Variants in PTK2B observed in about 807,000 individuals in gnomAD.
PTK2B encodes protein-tyrosine kinase 2-beta.
PTK2B carries 71 observed loss-of-function variants against 142.9 expected under a neutral mutation model. That is an observed-to-expected ratio of 0.50 (90% CI 0.41 to 0.61). The LOEUF is 0.61. Ranked by LOEUF, PTK2B falls within the 20% of genes least tolerant of loss-of-function variation. The probability of loss-of-function intolerance (pLI) is 0.00; values close to 1 mark genes in which losing one functional copy is unlikely to be tolerated. For missense variants in PTK2B, 1,105 were observed against 1,320.4 expected (o/e 0.84, Z 2.53); for synonymous variants, 519 against 503.4 (o/e 1.03, Z -0.42).
chr8:27,349,151 G>A (rs1241683261), intron 1 of PTK2B, among the ~76,000 whole-genome samples: 1 of 152,170 alleles, frequency 6.6e-6, no homozygotes, highest in Non-Finnish European at 1.5e-5. Context: ...CTTAACTAAA[G>A]TTTCCAAGGT....
chr8:27,341,681 G>GT (rs1466158211), intron 1 of PTK2B, among the ~76,000 whole-genome samples: 2 of 152,036 alleles, frequency 1.3e-5, no homozygotes, highest in African/African-American at 4.8e-5. Context: ...GGTTTTGTGT[G>GT]TTTTTTGTTT....
chr8:27,452,216 GA>G (rs1811860584), intron 27 of PTK2B: 1 of 152,268 alleles, frequency 6.6e-6, no homozygotes, highest in South Asian at 2.1e-4. Context: ...TCTTACAAAT[GA>G]AAATTAAGGC....
At chr8:27,416,751 T>A (rs1258739254) in intron 2 of PTK2B, among the ~76,000 whole-genome samples, 37 of 152,276 alleles carry the variant, frequency 2.4e-4, no homozygotes, top group Non-Finnish European at 5.9e-5. Flanking sequence ...AAAAGCCTCC[T>A]ACAACTCTCC....
chr8:27,365,655 C>CTTT (rs60664486), intron 1 of PTK2B, among the ~76,000 whole-genome samples: 8,587 of 152,162 alleles, frequency 0.056, 656 homozygotes, highest in African/African-American at 0.18. Flanking sequence ...ATACCAACTT[C>CTTT]GTTTTGCGGA....
chr8:27,453,172 C>T lies in PTK2B; in HGVS notation c.2595+12C>T, dbSNP rs1194828418. ...GGCTGGGCGCACAGGTATGTGTTGGCTCTGCTGAAACTGATAAATGAGAGT... is the reference window on the plus strand; with the variant it reads ...GGCTGGGCGCACAGGTATGTGTTGGTTCTGCTGAAACTGATAAATGAGAGT... On this transcript the variant is annotated intron_variant, in intron 28 of 30. Coordinates refer to ENST00000346049, the MANE Select transcript of PTK2B (RefSeq NM_173176.3). 6 of 1,614,050 alleles carry T rather than the reference C, an allele frequency of 3.7e-6. No individual in the cohort carries two copies. Among genetic ancestry groups the T allele is most frequent in the Non-Finnish European group, 4.2e-6 (5 of 1,179,950 alleles).
At chr8:27,319,507 G>A (rs1457227244) in intron 3 of PTK2B, among the ~76,000 whole-genome samples, 3 of 151,716 alleles carry the variant, frequency 2.0e-5, no homozygotes, top group African/African-American at 7.3e-5. Context: ...AGCCAGGCCC[G>A]GTGGCGGGCG....
intron 30 of PTK2B, 147 bp downstream of exon 30, chr8:27,454,758 G>A: frequency 2.5e-6 from 2 of 811,280 alleles, no homozygotes; most frequent in East Asian, 2.7e-5. Context: ...TTATCCATCA[G>A]CTACCACCAG....
At chr8:27,421,879 T>C (rs1809777208) in intron 4 of PTK2B, among the ~76,000 whole-genome samples, 1 of 152,260 alleles carries the variant, frequency 6.6e-6, no homozygotes, top group Non-Finnish European at 1.5e-5. Flanking sequence ...GTTTTCTGTC[T>C]GATATTAGTT....
At position 27,432,483 on chromosome 8, in the gene PTK2B, G is replaced by A. The variant is rs979098010; in HGVS notation, c.987+122G>A. ...GAAGCCAGGAGCTTCCTGGCTTTGG[G>A]GATCGTGTTAAGAAAACTGCACCAA... On this transcript the variant is annotated intron_variant, in intron 10 of 30. Transcript: ENST00000346049. The A allele has an allele frequency of 1.9e-5, 16 of 853,070 alleles. No homozygotes were observed. The African/African-American group carries it at 2.6e-4, about 14-fold the overall frequency. The allele number at this position is 853,070 out of a possible 1,614,324, so 52.8% of individuals were successfully genotyped here. A position where few individuals can be genotyped will look rare whatever the true frequency, so the allele number is the denominator to read the frequency against.
intron 5 of PTK2B, among the ~76,000 whole-genome samples, chr8:27,423,946 C>G (rs931682705): frequency 6.6e-6 from 1 of 152,096 alleles, no homozygotes; most frequent in African/African-American, 2.4e-5. Flanking sequence ...AGAAGGCAGC[C>G]CAGCTCACTG....
intron 5 of PTK2B, among the ~76,000 whole-genome samples, chr8:27,426,877 G>A (rs7846568): frequency 0.43 from 64,988 of 152,010 alleles, 14,349 homozygotes; most frequent in South Asian, 0.53. Flanking sequence ...ATTGTTCAGT[G>A]TTAATTTCAA....
intron 10 of PTK2B, among the ~76,000 whole-genome samples, chr8:27,433,168 A>C (rs997415777): frequency 4.6e-5 from 7 of 152,162 alleles, no homozygotes; most frequent in Non-Finnish European, 7.3e-5. Context: ...TTTATTGAGC[A>C]CCTACTAGGT....
At chr8:27,439,187 A>G in intron 19 of PTK2B, 56 bp downstream of exon 19, 1 of 1,578,584 alleles carries the variant, frequency 6.3e-7, no homozygotes, top group South Asian at 1.1e-5. Context: ...GAAGCCAAAA[A>G]TTCCAGAAGA....
chr8:27,344,045 C>A (rs1804572602), intron 1 of PTK2B, among the ~76,000 whole-genome samples: 1 of 151,960 alleles, frequency 6.6e-6, no homozygotes, highest in African/African-American at 2.4e-5. Context: ...AAAATTTTTT[C>A]ATCAGTGCTG....
Position 27,436,362 on chromosome 8 carries a change from T to G in PTK2B, c.1341+14T>G. Reference sequence around the variant, plus strand: ...TACACAAATCACGTGAGTTCTAGGATCTTCCCTTACACTCCTCTTCCACAT... The same window carrying G: ...TACACAAATCACGTGAGTTCTAGGAGCTTCCCTTACACTCCTCTTCCACAT... On this transcript the variant is annotated intron_variant, in intron 15 of 30. Coordinates refer to ENST00000346049, the MANE Select transcript of PTK2B (RefSeq NM_173176.3). 1 of 1,596,440 alleles carries G rather than the reference T, an allele frequency of 6.3e-7. No homozygotes were observed. Among genetic ancestry groups the G allele is most frequent in the South Asian group, 1.1e-5 (1 of 90,670 alleles).
intron 23 of PTK2B, 50 bp downstream of exon 23, chr8:27,444,321 G>A (rs1335000550): frequency 1.3e-6 from 2 of 1,561,242 alleles, no homozygotes; most frequent in Admixed American, 3.3e-5. Context: ...TCTCATCCAG[G>A]TCCTGAAACT....
intron 3 of PTK2B, among the ~76,000 whole-genome samples, chr8:27,319,670 A>T (rs1007331458): frequency 6.9e-6 from 1 of 145,364 alleles, no homozygotes; most frequent in Non-Finnish European, 1.5e-5. Context: ...AAAAAATTAC[A>T]ACAGGACATA....
intron 18 of PTK2B, among the ~76,000 whole-genome samples, chr8:27,438,467 TCAGGGTGTGTGAAGC>T (rs1810937063): frequency 5.9e-5 from 9 of 152,210 alleles, no homozygotes; most frequent in African/African-American, 7.2e-5. Context: ...TGTGCCTGAC[TCAGGGTGTGTGAAGC>T]TCTCATGCGA....
intron 1 of PTK2B, among the ~76,000 whole-genome samples, chr8:27,386,415 G>T (rs1475223271): frequency 6.6e-6 from 1 of 152,108 alleles, no homozygotes; most frequent in Non-Finnish European, 1.5e-5. Flanking sequence ...AATTGTACTA[G>T]TTCATTTCAA....
Sources: allele counts gnomAD v4.1 joint callset (sites outside exome capture counted in the v4.1 genomes callset), GRCh38; gene constraint gnomAD v4.1.1; transcripts MANE v1.5; gene names NCBI Gene and HGNC (gene_info 2026-07-23, HGNC 2026-07-21).